MYH8: variants seen among roughly 807,000 people sequenced by gnomAD.
MYH8 encodes myosin heavy chain 8, also known as myosin-8.
Under a neutral mutation model 233.2 loss-of-function variants are expected in MYH8, and 168 were observed. The ratio of observed to expected loss-of-function variants is 0.72; its 90% CI spans 0.64 to 0.82. MYH8 has a LOEUF of 0.82. Ranked by LOEUF, MYH8 falls within the 40% of genes least tolerant of loss-of-function variation. The probability of loss-of-function intolerance (pLI) is 0.00; values close to 1 mark genes in which losing one functional copy is unlikely to be tolerated. For missense variants in MYH8, 1,995 were observed against 2,327.8 expected (o/e 0.86, Z 2.94); for synonymous variants, 785 against 850.6 (o/e 0.92, Z 1.34).
Position 10,401,351 on chromosome 17 carries a change from T to C in MYH8, c.3032A>G (p.Asp1011Gly). The change falls in exon 24 of 40, where the codon GAT (aspartate) becomes GGT (glycine). Residue 1011 changes from aspartate (D) to glycine (G), a missense_variant. By Grantham distance (94) the Asp-to-Gly change is moderately conservative (BLOSUM62 -1). Transcript: ENST00000403437. Reference protein sequence around the residue: ...ALQETHQQTLDDLQAEEDKVN... With the variant: ...ALQETHQQTLGDLQAEEDKVN... Reference sequence around the variant, plus strand: ...TTTGTCCTCCTCTGCCTGCAGGTCATCCAGGGTCTGCTGGTGGGTCTCTTG... The same window carrying C: ...TTTGTCCTCCTCTGCCTGCAGGTCACCCAGGGTCTGCTGGTGGGTCTCTTG... 2 of 1,614,154 alleles carry C rather than the reference T, an allele frequency of 1.2e-6. No individual in the cohort carries two copies.
At position 10,392,864 on chromosome 17, in the gene MYH8, A is replaced by G. The variant is rs1597396493; in HGVS notation, c.5430T>C (p.Gly1810=). The part of the protein sequence containing the change: ...LDEAEQLALK[G]GKKQIQKLEA... The stretch of plus-strand genomic sequence containing the variant: ...CCAGTTTCTGGATCTGCTTCTTCCC[A>G]CCCTTCAGCGCCAGCTGCTCGGCCT... Residue 1810 remains glycine (G), a synonymous_variant, in exon 37 of 40, where the codon GGT becomes GGC. Coordinates refer to ENST00000403437, the MANE Select transcript of MYH8 (RefSeq NM_002472.3). 3 of 1,613,256 alleles carry G rather than the reference A, an allele frequency of 1.9e-6. No individual in the cohort carries two copies. The highest frequency in any genetic ancestry group is 2.5e-6 in the Non-Finnish European group (3 of 1,179,778).
In MYH8 at chr17:10,418,908, G is replaced by A; in HGVS notation, c.333C>T (p.Arg111=). The A allele has an allele frequency of 1.2e-6, 2 of 1,614,162 alleles. No individual in the cohort carries two copies. Among genetic ancestry groups the A allele is most frequent in the Non-Finnish European group, 8.5e-7 (1 of 1,180,012 alleles). Reference sequence around the variant, plus strand: ...TCACGTAGATCATCCAGGCTGCATAGCGCTCTTTGAGGTTGTACAGCACTC... The same window carrying A: ...TCACGTAGATCATCCAGGCTGCATAACGCTCTTTGAGGTTGTACAGCACTC... ...EPGVLYNLKE[R]YAAWMIYTYS... is the part of the protein sequence containing the mutation. Residue 111 remains arginine (R), a synonymous_variant, in exon 4 of 40, where the codon CGC becomes CGT. Coordinates refer to ENST00000403437, the MANE Select transcript of MYH8 (RefSeq NM_002472.3).
At chr17:10,411,083 A>T in intron 14 of MYH8, 136 bp from the exon 15 acceptor site, 1 of 1,480,702 alleles carries the variant, frequency 6.8e-7, no homozygotes, top group Non-Finnish European at 9.1e-7. Context: ...GCTCCCTCAA[A>T]AAATGATCAT....
Position 10,398,601 on chromosome 17 carries a change from G to A in MYH8, c.4021C>T (p.His1341Tyr). The A allele has an allele frequency of 6.2e-7, 1 of 1,614,212 alleles. No individual in the cohort carries two copies. The highest frequency in any genetic ancestry group is 1.1e-5 in the South Asian group (1 of 91,084). The change falls in exon 30 of 40, where the codon CAT becomes TAT. Residue 1341 changes from histidine (H) to tyrosine (Y), a missense_variant. Transcript: ENST00000403437. ...TGTTCCCGCAGCAGGTCGCAGTCAT[G>A]GCGGGAGGACTGCAGGGCGTGTGCC... ...ALAHALQSSR[H>Y]DCDLLREQYE...
At chr17:10,404,251 ATCATT>A in intron 22 of MYH8, 74 bp downstream of exon 22, 2 of 1,574,836 alleles carry the variant, frequency 1.3e-6, no homozygotes, top group Non-Finnish European at 1.7e-6. Flanking sequence ...TCAAGTAGAG[ATCATT>A]TGTAAATCCA....
At chr17:10,416,992 T>C (rs1206034227) in intron 5 of MYH8, among the ~76,000 whole-genome samples, 1 of 152,218 alleles carries the variant, frequency 6.6e-6, no homozygotes, top group Non-Finnish European at 1.5e-5. Flanking sequence ...TTTCTAATAT[T>C]AAGTACATAG....
At chr17:10,407,516 CTTG>C (rs2072205300) in intron 17 of MYH8, among the ~76,000 whole-genome samples, 2 of 152,200 alleles carry the variant, frequency 1.3e-5, no homozygotes, top group African/African-American at 4.8e-5. Flanking sequence ...CTCTTACCCT[CTTG>C]TTTTCTTTTG....
chr17:10,403,603 T>C (rs539890337), intron 22 of MYH8, among the ~76,000 whole-genome samples: 7 of 152,160 alleles, frequency 4.6e-5, no homozygotes, highest in African/African-American at 1.7e-4. Flanking sequence ...TTTGGAAAAA[T>C]GTAACCTTCA....
chr17:10,401,241 A>G, intron 24 of MYH8, 34 bp downstream of exon 24: 2 of 1,613,856 alleles, frequency 1.2e-6, no homozygotes, highest in Non-Finnish European at 1.7e-6. Context: ...ATTTTTAAAA[A>G]AATCTTTCAA....
At chr17:10,398,163 A>C (rs904681291) in intron 30 of MYH8, among the ~76,000 whole-genome samples, 2 of 152,224 alleles carry the variant, frequency 1.3e-5, no homozygotes, top group African/African-American at 4.8e-5. Context: ...ACAGGCTCCA[A>C]ACCCAGCTGT....
rs750967958 is a variant in MYH8, at chr17:10,412,605, C to A, written c.1266+5G>T. The A allele has an allele frequency of 4.1e-5, 66 of 1,614,098 alleles. No individual in the cohort carries two copies. The highest frequency in any genetic ancestry group is 5.4e-5 in the Non-Finnish European group (64 of 1,180,024). ...GTGTGTGATTCATTGAGGTCATGCA[C>A]TTACCTGCTGCACAGTCTGGCCTTT... On this transcript the variant is annotated splice_donor_5th_base_variant and intron_variant, in intron 13 of 39. Transcript: ENST00000403437.
At chr17:10,391,275 G>A (rs2072020369) in intron 39 of MYH8, among the ~76,000 whole-genome samples, 1 of 152,158 alleles carries the variant, frequency 6.6e-6, no homozygotes, top group African/African-American at 2.4e-5. Context: ...AGAGGGAGAG[G>A]AATATTTATG....
intron 30 of MYH8, among the ~76,000 whole-genome samples, chr17:10,397,211 G>A (rs2142171367): frequency 1.3e-5 from 2 of 152,146 alleles, no homozygotes; most frequent in Middle Eastern, 6.8e-3. Flanking sequence ...CAAGTAGCTG[G>A]GATTACAGAT....
intron 33 of MYH8, 89 bp from the exon 34 acceptor site, chr17:10,395,530 G>T (rs1191010948): frequency 2.2e-6 from 3 of 1,340,102 alleles, no homozygotes; most frequent in Non-Finnish European, 3.2e-6. Context: ...GTCAATATCA[G>T]TTTGTCTAAT....
Position 10,401,804 on chromosome 17 carries a change from A to G in MYH8, c.2689-19T>C. On this transcript the variant is annotated intron_variant, in intron 22 of 39. Coordinates refer to ENST00000403437, the MANE Select transcript of MYH8 (RefSeq NM_002472.3). ...CTGCTTCCTATGGAGAGATTCATTC[A>G]GATACTTAGAGTCTGTTACTTATTT... The G allele has an allele frequency of 6.2e-7, 1 of 1,614,074 alleles. No individual in the cohort carries two copies.
chr17:10,408,962 G>A, intron 17 of MYH8, 135 bp downstream of exon 17: 1 of 785,034 alleles, frequency 1.3e-6, no homozygotes, highest in Non-Finnish European at 2.1e-6. Context: ...GTATTTCTTT[G>A]GCTATACTCT....
At chr17:10,402,158 A>G (rs144648960) in intron 22 of MYH8, among the ~76,000 whole-genome samples, 110 of 151,852 alleles carry the variant, frequency 7.2e-4, no homozygotes, top group African/African-American at 2.5e-3. Flanking sequence ...AATTTTGTGT[A>G]TATATATATA....
chr17:10,394,380 G>T lies in MYH8; in HGVS notation c.5035C>A (p.Arg1679Ser), dbSNP rs370435018. Residue 1679 changes from arginine to serine, a missense_variant, in exon 35 of 40, where the codon CGC (arginine) becomes AGC (serine). Coordinates refer to ENST00000403437, the MANE Select transcript of MYH8 (RefSeq NM_002472.3). ...DLKEQLAIVE[R>S]RANLLQAEIE... ...TCAGCCTGCAGCAGGTTGGCTCTGC[G>T]CTCCACAATTGCCAGCTGTTCCTTG... 8.1e-6 allele frequency: 13 copies of T among 1,613,962 alleles called. No homozygotes were observed. Among genetic ancestry groups the T allele is most frequent in the Non-Finnish European group, 1.1e-5 (13 of 1,180,034 alleles).
At position 10,393,169 on chromosome 17, in the gene MYH8, G is replaced by A. The variant is rs33969260; in HGVS notation, c.5208C>T (p.Asp1736=). The change falls in exon 36 of 40, where the codon GAC becomes GAT. Residue 1736 remains aspartate, a synonymous_variant. Transcript: ENST00000403437. ...CCACTTCACTTTGGAGTTGGGAAAC[G>A]TCATTTTCTAATTTCTTCTTGGTGT... The part of the protein sequence containing the change: ...LINTKKKLEN[D]VSQLQSEVEE... 0.22 allele frequency: 347,876 copies of A among 1,613,884 alleles called. 41,996 individuals are homozygous for A. The highest frequency in any genetic ancestry group is 0.25 in the Non-Finnish European group (293,779 of 1,179,888).
Sources: allele counts gnomAD v4.1 joint callset (sites outside exome capture counted in the v4.1 genomes callset), GRCh38; gene constraint gnomAD v4.1.1; transcripts MANE v1.5; gene names NCBI Gene and HGNC (gene_info 2026-07-23, HGNC 2026-07-21).